Variants in PLEKHG1 observed in about 807,000 individuals in gnomAD.
PLEKHG1 encodes the protein pleckstrin homology and RhoGEF domain containing G1.
A neutral mutation model predicts 100.8 loss-of-function variants in PLEKHG1; 44 were observed. That is an observed-to-expected ratio of 0.44 (90% CI 0.34 to 0.56). The LOEUF (loss-of-function observed/expected upper bound fraction) is 0.56, where lower values mean the gene tolerates loss of function less well. Among genes scored for constraint, PLEKHG1 ranks in the 20% least tolerant of loss-of-function variants. The probability of loss-of-function intolerance (pLI) is 0.01; values close to 1 mark genes in which losing one functional copy is unlikely to be tolerated. For synonymous variants in PLEKHG1, 640 were observed against 662.5 expected (o/e 0.97, Z 0.52); for missense variants, 1,545 against 1,720.9 (o/e 0.90, Z 1.81).
At chr6:150,807,444 C>G (rs1473188710) in intron 7 of PLEKHG1, among the ~76,000 whole-genome samples, 1 of 152,128 alleles carries the variant, frequency 6.6e-6, no homozygotes. Flanking sequence ...CTGTTTTCAA[C>G]CAGTAAAGTT....
chr6:150,815,619 T>C (rs1042853101), intron 10 of PLEKHG1, among the ~76,000 whole-genome samples: 15 of 151,576 alleles, frequency 9.9e-5, no homozygotes, highest in African/African-American at 2.9e-4. Context: ...ATGAGAGAGA[T>C]AGCTATCAGG....
Position 150,827,913 on chromosome 6 carries a change from G to A in PLEKHG1, c.1471-2669G>A, listed in dbSNP as rs1776705787. On this transcript the variant is annotated intron_variant, in intron 14 of 15. Transcript: ENST00000358517. ...ACAGCAGAGACTGGCTGAGTGGAAA[G>A]CAACTAAACTGAAGAATAAATCTGG... 5 of 1,581,872 alleles carry A rather than the reference G, an allele frequency of 3.2e-6. No individual in the cohort carries two copies. In the Admixed American group the frequency reaches 6.7e-5, roughly 21 times the overall value.
intron 1 of PLEKHG1, among the ~76,000 whole-genome samples, chr6:150,603,070 A>T (rs1582881903): frequency 9.7e-6 from 1 of 103,042 alleles, no homozygotes; most frequent in African/African-American, 3.5e-5. Flanking sequence ...CGACAGCGAG[A>T]CTCCGTCTCA....
chr6:150,680,790 G>A (rs1181398142), intron 3 of PLEKHG1, among the ~76,000 whole-genome samples: 4 of 152,182 alleles, frequency 2.6e-5, no homozygotes, highest in South Asian at 2.1e-4. Flanking sequence ...AGATTGGAGC[G>A]AGTTGGGGAA....
chr6:150,714,848 G>A (rs144509385), intron 3 of PLEKHG1, among the ~76,000 whole-genome samples: 3,652 of 147,064 alleles, frequency 0.025, 65 homozygotes, highest in South Asian at 0.056. Context: ...TCACTCTGTC[G>A]CCCAGGCTGG....
intron 14 of PLEKHG1, among the ~76,000 whole-genome samples, chr6:150,826,406 C>A (rs578073623): frequency 1.8e-3 from 280 of 152,088 alleles, no homozygotes; most frequent in Non-Finnish European, 3.1e-3. Flanking sequence ...TGCAGTAAGC[C>A]GAGATTGTGC....
At chr6:150,827,540 T>C in intron 14 of PLEKHG1, 1 of 586,228 alleles carries the variant, frequency 1.7e-6, no homozygotes, top group Non-Finnish European at 3.2e-6. Context: ...CCTTCCAAAG[T>C]GCTGGGATTA....
intron 2 of PLEKHG1, among the ~76,000 whole-genome samples, chr6:150,741,395 A>G (rs951490193): frequency 6.6e-6 from 1 of 152,190 alleles, no homozygotes; most frequent in Non-Finnish European, 1.5e-5. Context: ...GTCTTGTGAC[A>G]TCTTAAGTTT....
intron 3 of PLEKHG1, among the ~76,000 whole-genome samples, chr6:150,694,844 C>T (rs1780483453): frequency 6.6e-6 from 1 of 152,098 alleles, no homozygotes; most frequent in African/African-American, 2.4e-5. Context: ...TAGTCAATTC[C>T]TAGTAACTGG....
chr6:150,677,450 C>T lies in PLEKHG1; in HGVS notation c.-99+26664C>T, dbSNP rs1365470799. ...ACCCCATCCCATGACTCCAGGCTGG[C>T]TGACTCCTATTTATGCCTGTTTGTT... On this transcript the variant is annotated intron_variant, in intron 3 of 3. Transcript: ENST00000367326. Among the ~76,000 whole-genome samples, 7 of 152,216 alleles carry T rather than the reference C, an allele frequency of 4.6e-5. No homozygotes were observed. In the East Asian group the frequency reaches 1.3e-3, roughly 29 times the overall value.
At chr6:150,779,886 C>G (rs1785212263) in intron 3 of PLEKHG1, among the ~76,000 whole-genome samples, 1 of 151,162 alleles carries the variant, frequency 6.6e-6, no homozygotes, top group South Asian at 2.1e-4. Flanking sequence ...TTGCTTGAAC[C>G]CAGAAGGTGG....
chr6:150,788,034 C>T (rs1017183402), intron 4 of PLEKHG1, among the ~76,000 whole-genome samples: 1 of 152,180 alleles, frequency 6.6e-6, no homozygotes, highest in African/African-American at 2.4e-5. Flanking sequence ...CTTTCGGAAA[C>T]GTTTGGGCTT....
At chr6:150,704,528 G>C (rs535395516) in intron 3 of PLEKHG1, among the ~76,000 whole-genome samples, 43 of 152,366 alleles carry the variant, frequency 2.8e-4, no homozygotes, top group Non-Finnish European at 4.7e-4. Flanking sequence ...GAGGCAGGTG[G>C]AGTAAGGGGC....
At chr6:150,624,794 G>C (rs559281807) in intron 1 of PLEKHG1, 14 of 152,224 alleles carry the variant, frequency 9.2e-5, no homozygotes, top group African/African-American at 3.1e-4. Flanking sequence ...CACTTCAAAG[G>C]CACCTTGTAC....
At chr6:150,829,680 A>C (rs1331158096) in intron 14 of PLEKHG1, among the ~76,000 whole-genome samples, 2 of 152,200 alleles carry the variant, frequency 1.3e-5, no homozygotes, top group Admixed American at 1.3e-4. Flanking sequence ...TTACTTCCTT[A>C]TAGGCAACTA....
rs3215554 is a variant in PLEKHG1 at position 150,823,744 on chromosome 6, CA to C, written c.1470+69del. 704 of 1,014,404 alleles carry C rather than the reference CA, an allele frequency of 6.9e-4. 7 individuals are homozygous for C. In the East Asian group the frequency reaches 0.015, roughly 22 times the overall value. The allele number at this position is 1,014,404 out of a possible 1,614,324, so 62.8% of individuals were successfully genotyped here. A position where few individuals can be genotyped will look rare whatever the true frequency, so the allele number is the denominator to read the frequency against. On this transcript the variant is annotated intron_variant, in intron 14 of 15. Coordinates refer to ENST00000358517, the Ensembl canonical transcript of PLEKHG1. ...GCACCTTTCATAGGTGTCCCTTCCC[CA>C]TCTCTGTCATCTCCAGCCCGTATTC...
intron 1 of PLEKHG1, among the ~76,000 whole-genome samples, chr6:150,723,183 AC>A (rs1781788080): frequency 1.3e-5 from 2 of 152,288 alleles, no homozygotes; most frequent in Middle Eastern, 3.4e-3. Flanking sequence ...TGGAGAAGTC[AC>A]CTAGTCCAGC....
In PLEKHG1 at chr6:150,840,002, C is replaced by T. The variant is rs772138989; in HGVS notation, c.3264C>T (p.Thr1088=). Reference sequence around the variant, plus strand: ...GTGGAGACTGGCTTCTGCATTCAACCTATAGTAATGGAGAGTTAGCAGATT... The same window carrying T: ...GTGGAGACTGGCTTCTGCATTCAACTTATAGTAATGGAGAGTTAGCAGATT... The change falls in exon 16 of 16, where the codon ACC becomes ACT. Residue 1088 remains threonine, a synonymous_variant. Coordinates refer to ENST00000358517, the Ensembl canonical transcript of PLEKHG1. 5 of 1,614,142 alleles carry T rather than the reference C, an allele frequency of 3.1e-6. No homozygotes were observed. The Admixed American group carries it at 5.0e-5, about 16-fold the overall frequency.
chr6:150,781,584 C>T (rs766084313), intron 3 of PLEKHG1, among the ~76,000 whole-genome samples: 7 of 151,500 alleles, frequency 4.6e-5, no homozygotes, highest in African/African-American at 9.7e-5. Context: ...ATTAAAAGAG[C>T]GCTGGCAGAG....
Sources: allele counts gnomAD v4.1 joint callset (sites outside exome capture counted in the v4.1 genomes callset), GRCh38; gene constraint gnomAD v4.1.1; transcripts MANE v1.5; gene names NCBI Gene and HGNC (gene_info 2026-07-23, HGNC 2026-07-21).